CBL: variants seen among roughly 807,000 people sequenced by gnomAD.
CBL encodes Cbl proto-oncogene.
CBL carries 45 observed loss-of-function variants against 96.9 expected under a neutral mutation model. The ratio of observed to expected loss-of-function variants is 0.46; its 90% CI spans 0.37 to 0.60. CBL has a LOEUF of 0.60. Among genes scored for constraint, CBL ranks in the 20% least tolerant of loss-of-function variants. CBL has a pLI of 0.00. For synonymous variants in CBL, 420 were observed against 426.8 expected (o/e 0.98, Z 0.20); for missense variants, 1,024 against 1,143.5 (o/e 0.90, Z 1.51).
intron 5 of CBL, 60 bp downstream of exon 5, chr11:119,275,013 C>T (rs1592399115): frequency 1.3e-6 from 2 of 1,582,150 alleles, no homozygotes; most frequent in South Asian, 1.1e-5. Flanking sequence ...GAGACTTCTG[C>T]TAGTATAGAA....
intron 1 of CBL, among the ~76,000 whole-genome samples, chr11:119,208,120 C>T (rs751508707): frequency 3.1e-4 from 47 of 151,966 alleles, no homozygotes; most frequent in Non-Finnish European, 4.6e-4. Context: ...TAATAAAATC[C>T]TTACAGAAAG....
chr11:119,208,936 TC>T (rs1293484762), intron 1 of CBL, among the ~76,000 whole-genome samples: 1 of 152,230 alleles, frequency 6.6e-6, no homozygotes, highest in Non-Finnish European at 1.5e-5. Flanking sequence ...TTTGATAGTT[TC>T]ACGGAAAGTA....
At chr11:119,213,571 A>G (rs1361328496) in intron 1 of CBL, among the ~76,000 whole-genome samples, 1 of 152,202 alleles carries the variant, frequency 6.6e-6, no homozygotes, top group East Asian at 1.9e-4. Context: ...CCAGTTATGG[A>G]GCCTTCTGTA....
At chr11:119,292,640 T>A (rs1420321020) in intron 12 of CBL, among the ~76,000 whole-genome samples, 1 of 152,110 alleles carries the variant, frequency 6.6e-6, no homozygotes, top group Non-Finnish European at 1.5e-5. Flanking sequence ...GCCAGGGTGG[T>A]CTCAATCTCC....
intron 2 of CBL, among the ~76,000 whole-genome samples, chr11:119,254,755 C>T (rs1949697850): frequency 6.6e-6 from 1 of 152,086 alleles, no homozygotes; most frequent in African/African-American, 2.4e-5. Flanking sequence ...GTGTGCACCA[C>T]CACGCCCAGC....
Position 119,284,880 on chromosome 11 carries a change from A to C in CBL, c.1432-89A>C, listed in dbSNP as rs371858324. 5.0e-5 allele frequency: 75 copies of C among 1,505,270 alleles called. 2 individuals are homozygous for C. In the South Asian group the frequency reaches 7.9e-4, roughly 16 times the overall value. The allele number at this position is 1,505,270 out of a possible 1,614,324, so 93.2% of individuals were successfully genotyped here. ...GCCCATTTGTAGTTTAAGTGTTCCC[A>C]TGGTATTTGCCATCCACAGCTTTAG... On this transcript the variant is annotated intron_variant, in intron 9 of 15. Coordinates refer to ENST00000264033, the MANE Select transcript of CBL (RefSeq NM_005188.4).
intron 1 of CBL, among the ~76,000 whole-genome samples, chr11:119,224,126 A>G (rs987249912): frequency 7.2e-5 from 11 of 152,322 alleles, no homozygotes; most frequent in African/African-American, 2.6e-4. Flanking sequence ...AAGAGGTGAC[A>G]TGCTAAAGAA....
At chr11:119,235,090 T>G (rs1184816000) in intron 2 of CBL, among the ~76,000 whole-genome samples, 1 of 152,154 alleles carries the variant, frequency 6.6e-6, no homozygotes, top group Non-Finnish European at 1.5e-5. Context: ...AACAGGTTTA[T>G]TTTAAAGAGC....
In CBL at chr11:119,278,633, C is replaced by T. The variant is rs886041313; in HGVS notation, c.1351C>T (p.Pro451Ser). ...SLLRQGAEGA[P>S]SPNYDDDDDE... ...GTTGAGGCAAGGAGCAGAGGGAGCT[C>T]CCTCCCCAAATTATGATGATGATGA... The change falls in exon 9 of 16, where the codon CCC becomes TCC. Residue 451 changes from proline to serine, a missense_variant. This residue lies in a region of CBL where 695 missense variants were observed against 661.6 expected (regional missense o/e 1.05). Transcript: ENST00000264033. The T allele has an allele frequency of 1.2e-6, 2 of 1,613,964 alleles. No homozygotes were observed. The highest frequency in any genetic ancestry group is 2.2e-5 in the South Asian group (2 of 91,064).
At chr11:119,207,382 T>A (rs1322717993) in intron 1 of CBL, among the ~76,000 whole-genome samples, 2 of 152,106 alleles carry the variant, frequency 1.3e-5, no homozygotes, top group Non-Finnish European at 2.9e-5. Context: ...AGATTCTGAC[T>A]TCTTAATAAC....
chr11:119,268,302 A>G (rs1365906384), intron 2 of CBL, among the ~76,000 whole-genome samples: 3 of 152,176 alleles, frequency 2.0e-5, no homozygotes, highest in South Asian at 2.1e-4. Flanking sequence ...AGGAGTTTGC[A>G]TTAGGCCAAT....
rs1950124278 is a variant in CBL, at chr11:119,304,900, C to G, written c.*5119C>G. Reference sequence around the variant, plus strand: ...TCGGCCTCCCAAAGTGCTAAGATTACAGGCGTGAGCCACCGCGCCCGGCCC... The same window carrying G: ...TCGGCCTCCCAAAGTGCTAAGATTAGAGGCGTGAGCCACCGCGCCCGGCCC... On this transcript the variant is annotated 3_prime_UTR_variant, in exon 16 of 16. Transcript: ENST00000264033. 5.2e-6 allele frequency: 1 copy of G among 192,114 alleles called. No homozygotes were observed. Among genetic ancestry groups the G allele is most frequent in the African/African-American group, 2.3e-5 (1 of 42,898 alleles). The allele number at this position is 192,114 out of a possible 1,614,324, so 11.9% of individuals were successfully genotyped here.
chr11:119,275,661 A>G (rs1400211411), intron 5 of CBL, among the ~76,000 whole-genome samples: 4 of 152,032 alleles, frequency 2.6e-5, no homozygotes, highest in African/African-American at 9.7e-5. Context: ...TCAGAAGTTT[A>G]AGACTGGCCT....
chr11:119,274,198 GTA>G (rs929608056), intron 4 of CBL, among the ~76,000 whole-genome samples, 174 bp downstream of exon 4: 31 of 150,988 alleles, frequency 2.1e-4, no homozygotes, highest in African/African-American at 7.1e-4. Flanking sequence ...AAAAATATAT[GTA>G]TGTGTGTGTA....
chr11:119,206,552 C>A lies in CBL; in HGVS notation c.135C>A (p.Pro45=). 6.4e-7 allele frequency: 1 copy of A among 1,550,782 alleles called. No individual in the cohort carries two copies. The highest frequency in any genetic ancestry group is 2.4e-5 in the East Asian group (1 of 41,124). The stretch of plus-strand genomic sequence containing the variant: ...ACCACCACCACCACCACCTCAGCCC[C>A]CACCCGCCGGGGACGGTGGACAAGA... ...PHHHHHHHLS[P]HPPGTVDKKM... The change falls in exon 1 of 16, where the codon CCC becomes CCA. Residue 45 remains proline (P), a synonymous_variant. Coordinates refer to ENST00000264033, the MANE Select transcript of CBL (RefSeq NM_005188.4).
chr11:119,275,011 T>C (rs1949877759), intron 5 of CBL, 58 bp downstream of exon 5: 2 of 1,588,280 alleles, frequency 1.3e-6, no homozygotes, highest in Admixed American at 1.7e-5. Flanking sequence ...TTGAGACTTC[T>C]GCTAGTATAG....
Position 119,302,537 on chromosome 11 carries a change from A to G in CBL, c.*2756A>G, listed in dbSNP as rs902993856. ...GTCCCTTCCTAGTGGCTAATAAAGT[A>G]AAAAAACCCACACTACTTTGTTCTC... On this transcript the variant is annotated 3_prime_UTR_variant, in exon 16 of 16. Coordinates refer to ENST00000264033, the MANE Select transcript of CBL (RefSeq NM_005188.4). The G allele has an allele frequency of 3.0e-5, 7 of 232,224 alleles. No individual in the cohort carries two copies. Among genetic ancestry groups the G allele is most frequent in the Non-Finnish European group, 5.1e-5 (6 of 117,490 alleles). 14.4% of individuals were successfully genotyped at this position (232,224 alleles called of 1,614,324 possible).
In CBL at chr11:119,260,939, C is replaced by CTTTTTTTTTTTTTTTTT. The variant is rs35248070; in HGVS notation, c.444-10792_444-10776dup. On this transcript the variant is annotated intron_variant, in intron 2 of 15. Transcript: ENST00000264033. ...TTTCACTTTGGCAGTTAAATCTCTA[C>CTTTTTTTTTTTTTTTTT]TTTTTTTTTTTTTTTTTTTTAATGG... is the stretch of plus-strand genomic sequence containing the variant. Among the ~76,000 whole-genome samples the CTTTTTTTTTTTTTTTTT allele has an allele frequency of 2.4e-4, 22 of 89,912 alleles. 2 individuals are homozygous for CTTTTTTTTTTTTTTTTT. Among genetic ancestry groups the CTTTTTTTTTTTTTTTTT allele is most frequent in the African/African-American group, 1.1e-3 (21 of 19,862 alleles). 59.0% of individuals were successfully genotyped at this position (89,912 alleles called of 152,430 possible). A position where few individuals can be genotyped will look rare whatever the true frequency, so the allele number is the denominator to read the frequency against.
chr11:119,265,851 C>T (rs779018499), intron 2 of CBL, among the ~76,000 whole-genome samples: 126 of 152,026 alleles, frequency 8.3e-4, no homozygotes, highest in African/African-American at 1.5e-3. Flanking sequence ...GGAGAAACTC[C>T]GTCTCTACTA....
Sources: gnomAD v4.1 joint callset for allele counts (sites outside exome capture counted in the v4.1 genomes callset) on GRCh38, gnomAD v4.1.1 for gene constraint, gnomAD v4.1.1 regional missense constraint, MANE v1.5 for transcripts, NCBI Gene and HGNC (gene_info 2026-07-23, HGNC 2026-07-21) for gene names.